LHFPL3: variants seen among roughly 807,000 people sequenced by gnomAD.
LHFPL3 encodes LHFPL tetraspan subfamily member 3, also known as LHFPL tetraspan subfamily member 3 protein.
Under a neutral mutation model 19.3 loss-of-function variants are expected in LHFPL3, and 5 were observed. The ratio of observed to expected loss-of-function variants is 0.26; its 90% CI spans 0.14 to 0.54. LHFPL3 has a LOEUF of 0.54. Among genes scored for constraint, LHFPL3 ranks in the 20% least tolerant of loss-of-function variants. LHFPL3 has a pLI of 0.94. For synonymous variants in LHFPL3, 133 were observed against 126.2 expected (o/e 1.05, Z -0.36); for missense variants, 249 against 307.4 (o/e 0.81, Z 1.42).
chr7:104,802,063 T>A (rs190316340), intron 2 of LHFPL3, among the ~76,000 whole-genome samples: 22 of 152,272 alleles, frequency 1.4e-4, no homozygotes, highest in Admixed American at 1.2e-3. Context: ...TCTCTACCCC[T>A]GCTATGTTGC....
At chr7:104,876,760 A>G (rs13228977) in intron 2 of LHFPL3, among the ~76,000 whole-genome samples, 39,641 of 151,104 alleles carry the variant, frequency 0.26, 5,389 homozygotes, top group East Asian at 0.43. Context: ...ATTTGACCCA[A>G]CCATCCCATT....
At chr7:104,469,657 T>C (rs1394706683) in intron 1 of LHFPL3, among the ~76,000 whole-genome samples, 1 of 152,186 alleles carries the variant, frequency 6.6e-6, no homozygotes, top group Non-Finnish European at 1.5e-5. Flanking sequence ...CCAGGATTCA[T>C]GGTGTTCTCT....
chr7:104,341,865 G>A (rs1789960894), intron 1 of LHFPL3, among the ~76,000 whole-genome samples: 1 of 151,420 alleles, frequency 6.6e-6, no homozygotes, highest in African/African-American at 2.4e-5. Flanking sequence ...AGAGGACGGA[G>A]GGTGGAGGAT....
intron 1 of LHFPL3, among the ~76,000 whole-genome samples, chr7:104,596,570 C>G (rs1181264057): frequency 6.6e-6 from 1 of 152,210 alleles, no homozygotes; most frequent in African/African-American, 2.4e-5. Context: ...TAAAACCCCT[C>G]TGTTCCGGTC....
intron 1 of LHFPL3, among the ~76,000 whole-genome samples, chr7:104,498,645 C>G (rs1054372119): frequency 2.6e-5 from 4 of 151,756 alleles, no homozygotes; most frequent in Non-Finnish European, 5.9e-5. Context: ...GCCCTGCTAA[C>G]TTTTGTATTT....
chr7:104,343,597 C>T (rs1157195909), intron 1 of LHFPL3, among the ~76,000 whole-genome samples: 2 of 143,842 alleles, frequency 1.4e-5, no homozygotes, highest in Admixed American at 7.1e-5. Flanking sequence ...ATTTAAATAC[C>T]TATTGTAGTT....
chr7:104,428,003 G>T (rs1056110148), intron 1 of LHFPL3, among the ~76,000 whole-genome samples: 2 of 152,122 alleles, frequency 1.3e-5, no homozygotes, highest in African/African-American at 2.4e-5. Context: ...AAAATGGATG[G>T]AAAATGCCAT....
intron 1 of LHFPL3, among the ~76,000 whole-genome samples, chr7:104,575,697 G>A (rs2116003464): frequency 6.6e-6 from 1 of 151,524 alleles, no homozygotes; most frequent in Admixed American, 6.6e-5. Context: ...CCAGGCTGCA[G>A]TGCAGTGGCT....
At chr7:104,358,997 G>T (rs1399051133) in intron 1 of LHFPL3, among the ~76,000 whole-genome samples, 1 of 152,158 alleles carries the variant, frequency 6.6e-6, no homozygotes, top group African/African-American at 2.4e-5. Context: ...AAGAGTTATG[G>T]ATCACCAGGA....
chr7:104,790,590 A>G (rs143322252), intron 2 of LHFPL3, among the ~76,000 whole-genome samples: 1 of 152,264 alleles, frequency 6.6e-6, no homozygotes, highest in Non-Finnish European at 1.5e-5. Context: ...TTTGAAACTC[A>G]TGGTTCCTAA....
intron 1 of LHFPL3, among the ~76,000 whole-genome samples, chr7:104,617,430 A>G (rs1346228246): frequency 2.6e-5 from 4 of 152,220 alleles, no homozygotes; most frequent in African/African-American, 7.2e-5. Context: ...ACTCTTTTGT[A>G]TATTTAATTC....
intron 2 of LHFPL3, among the ~76,000 whole-genome samples, chr7:104,769,210 T>A (rs1219281234): frequency 6.6e-6 from 1 of 152,226 alleles, no homozygotes; most frequent in East Asian, 1.9e-4. Flanking sequence ...GAGAGGCCTA[T>A]GAGCAGCTGT....
chr7:104,653,288 G>A (rs938513115), intron 1 of LHFPL3, among the ~76,000 whole-genome samples: 2 of 152,138 alleles, frequency 1.3e-5, no homozygotes, highest in African/African-American at 4.8e-5. Context: ...GAGGAGGCAG[G>A]GTCATGGAAA....
intron 1 of LHFPL3, among the ~76,000 whole-genome samples, chr7:104,472,018 A>C (rs1792917726): frequency 6.6e-6 from 1 of 152,034 alleles, no homozygotes; most frequent in South Asian, 2.1e-4. Context: ...TGTCTAGAAA[A>C]AGTTCAAAAA....
chr7:104,723,443 C>A (rs1304918844), intron 1 of LHFPL3, among the ~76,000 whole-genome samples: 1 of 152,078 alleles, frequency 6.6e-6, no homozygotes, highest in Non-Finnish European at 1.5e-5. Context: ...TTCTCTCAGC[C>A]CAGTGCAGTG....
At chr7:104,490,136 G>T (rs997679193) in intron 1 of LHFPL3, among the ~76,000 whole-genome samples, 1 of 152,108 alleles carries the variant, frequency 6.6e-6, no homozygotes, top group Non-Finnish European at 1.5e-5. Context: ...TGTTTTCATG[G>T]TTTTACCGTC....
At chr7:104,430,405 CATATATATATATACATATATATAT>C (rs1791954607) in intron 1 of LHFPL3, among the ~76,000 whole-genome samples, 1 of 22,456 alleles carries the variant, frequency 4.5e-5, no homozygotes, top group Admixed American at 7.4e-4. Flanking sequence ...TATATATATA[CATATATATATATACATATATATAT>C]ATATATATAT....
chr7:104,883,106 A>C (rs1403470296), intron 2 of LHFPL3, among the ~76,000 whole-genome samples: 3 of 152,254 alleles, frequency 2.0e-5, no homozygotes, highest in African/African-American at 7.2e-5. Context: ...ATTTATTCAG[A>C]TCAAGTTGAA....
At chr7:104,529,195 A>G (rs1794245775) in intron 1 of LHFPL3, among the ~76,000 whole-genome samples, 1 of 152,182 alleles carries the variant, frequency 6.6e-6, no homozygotes. Context: ...GAAGAATGTG[A>G]TGCTCTGATT....
Sources: gnomAD v4.1 joint callset for allele counts (sites outside exome capture counted in the v4.1 genomes callset) on GRCh38, gnomAD v4.1.1 for gene constraint, MANE v1.5 for transcripts, NCBI Gene and HGNC (gene_info 2026-07-23, HGNC 2026-07-21) for gene names.